The following SLC16A12 variants were observed in gnomAD, a reference collection of about 807,000 sequenced individuals.
SLC16A12 encodes the protein solute carrier family 16 member 12, also known as monocarboxylate transporter 12.
SLC16A12 carries 17 observed loss-of-function variants against 42.4 expected under a neutral mutation model. The ratio of observed to expected loss-of-function variants is 0.40; its 90% CI spans 0.27 to 0.60. SLC16A12 has a LOEUF of 0.60. Among genes scored for constraint, SLC16A12 ranks in the 20% least tolerant of loss-of-function variants. The probability of loss-of-function intolerance (pLI) is 0.42; values close to 1 mark genes in which losing one functional copy is unlikely to be tolerated. For synonymous variants in SLC16A12, 224 were observed against 229.4 expected (o/e 0.98, Z 0.21); for missense variants, 544 against 623.0 (o/e 0.87, Z 1.35).
chr10:89,518,786 A>G (rs12772414), intron 2 of SLC16A12, among the ~76,000 whole-genome samples: 68,204 of 151,872 alleles, frequency 0.45, 15,893 homozygotes, highest in South Asian at 0.67. Flanking sequence ...CCACCTACCC[A>G]ACAATCCTGG....
chr10:89,458,687 T>C (rs1200196673), intron 3 of SLC16A12, among the ~76,000 whole-genome samples: 1 of 152,230 alleles, frequency 6.6e-6, no homozygotes, highest in Non-Finnish European at 1.5e-5. Context: ...GAGCTTTACT[T>C]AATTACGATT....
chr10:89,441,387 AG>A (rs1388133534), intron 4 of SLC16A12, 136 bp from the exon 5 acceptor site: 7 of 1,059,774 alleles, frequency 6.6e-6, no homozygotes, highest in Non-Finnish European at 9.8e-6. Flanking sequence ...TTGGAAACTG[AG>A]GCCCAGAGAA....
At chr10:89,502,862 G>A (rs1843008155) in intron 2 of SLC16A12, among the ~76,000 whole-genome samples, 1 of 152,178 alleles carries the variant, frequency 6.6e-6, no homozygotes, top group Non-Finnish European at 1.5e-5. Flanking sequence ...TCTGTCCAAG[G>A]AAGCCAACAG....
intron 2 of SLC16A12, among the ~76,000 whole-genome samples, chr10:89,519,790 T>G (rs986261974): frequency 6.6e-6 from 1 of 152,124 alleles, no homozygotes; most frequent in Non-Finnish European, 1.5e-5. Context: ...TCAGATTTTT[T>G]GGAAATCTTT....
At chr10:89,537,429 C>A (rs570050850), upstream of SLC16A12, among the ~76,000 whole-genome samples, 9 of 152,104 alleles carry the variant, frequency 5.9e-5, no homozygotes, top group Admixed American at 5.2e-4. Context: ...AGTTTCCTGC[C>A]CTTTAACTAT....
intron 3 of SLC16A12, among the ~76,000 whole-genome samples, chr10:89,444,465 G>A (rs1257210531): frequency 6.6e-6 from 1 of 151,868 alleles, no homozygotes; most frequent in Non-Finnish European, 1.5e-5. Context: ...AATAAATTAT[G>A]GCATATCAAT....
chr10:89,530,413 G>GT (rs926486449), intron 2 of SLC16A12, among the ~76,000 whole-genome samples: 126 of 145,932 alleles, frequency 8.6e-4, no homozygotes, highest in South Asian at 1.1e-3. Flanking sequence ...AAATTTGGTG[G>GT]TTTTTTTTTT....
intron 2 of SLC16A12, among the ~76,000 whole-genome samples, chr10:89,508,234 A>G (rs889447225): frequency 6.6e-6 from 1 of 152,216 alleles, no homozygotes; most frequent in Non-Finnish European, 1.5e-5. Flanking sequence ...GACTTAATAG[A>G]CATCTACAGA....
chr10:89,539,861 C>G (rs1589737044), upstream of SLC16A12, among the ~76,000 whole-genome samples: 1 of 117,826 alleles, frequency 8.5e-6, no homozygotes, highest in African/African-American at 3.6e-5. Context: ...ACAAATTTTT[C>G]TTTCTTTCTT....
At chr10:89,436,868 AAAAGAAAGAAAGAAAGAAAG>A (rs370756736) in intron 6 of SLC16A12, among the ~76,000 whole-genome samples, 13 of 120,516 alleles carry the variant, frequency 1.1e-4, no homozygotes, top group East Asian at 2.4e-4. Context: ...GAAATAAAGA[AAAAGAAAGAAAGAAAGAAAG>A]AAAGAAAGAA....
chr10:89,497,957 G>A lies in SLC16A12; in HGVS notation c.-46-35333C>T, dbSNP rs60192255. ...AAGTAGGTATAATTATTTTATCTAC[G>A]TCTGTACTATTTGAAAACTTAACAA... On this transcript the variant is annotated intron_variant, in intron 2 of 7. Coordinates refer to ENST00000371790, the MANE Select transcript of SLC16A12 (RefSeq NM_213606.4). 8.5e-5 allele frequency among the ~76,000 whole-genome samples: 13 copies of A among 152,166 alleles called. No individual in the cohort carries two copies. The East Asian group carries it at 2.1e-3, about 25-fold the overall frequency.
intron 1 of SLC16A12, among the ~76,000 whole-genome samples, chr10:89,535,219 A>C (rs1843633979): frequency 1.3e-5 from 2 of 151,624 alleles, no homozygotes; most frequent in South Asian, 2.1e-4. Flanking sequence ...CTGCCCAAAA[A>C]CTCGGCCGCA....
chr10:89,543,556 C>T (rs1185230616), intron 2 of SLC16A12, among the ~76,000 whole-genome samples: 1 of 152,146 alleles, frequency 6.6e-6, no homozygotes, highest in East Asian at 1.9e-4. Flanking sequence ...TGGCTGGGTG[C>T]AGTGGCTCAT....
chr10:89,436,906 A>AAG (rs1491152573), intron 6 of SLC16A12, among the ~76,000 whole-genome samples: 17 of 149,906 alleles, frequency 1.1e-4, no homozygotes, highest in African/African-American at 4.0e-4. Flanking sequence ...GAAAGAAAGA[A>AAG]AGAAAGAAAA....
chr10:89,487,995 T>TATATAC (rs770274570), intron 2 of SLC16A12, among the ~76,000 whole-genome samples: 2,462 of 122,568 alleles, frequency 0.02, 46 homozygotes, highest in South Asian at 0.08. Context: ...TATATATATA[T>TATATAC]ACACACACAC....
intron 2 of SLC16A12, among the ~76,000 whole-genome samples, chr10:89,479,239 G>A (rs147610062): frequency 2.1e-4 from 32 of 151,976 alleles, no homozygotes; most frequent in Non-Finnish European, 4.4e-4. Context: ...ACTTTTCGCT[G>A]TAAGAGGGGT....
At chr10:89,540,463 C>G (rs890172984), upstream of SLC16A12, among the ~76,000 whole-genome samples, 15 of 152,080 alleles carry the variant, frequency 9.9e-5, no homozygotes, top group African/African-American at 3.4e-4. Flanking sequence ...TTTCTATGAG[C>G]ACTTTCTTAG....
intron 2 of SLC16A12, among the ~76,000 whole-genome samples, chr10:89,504,135 A>G (rs1446535872): frequency 1.3e-5 from 2 of 152,182 alleles, no homozygotes; most frequent in Non-Finnish European, 2.9e-5. Flanking sequence ...CCATATCTAC[A>G]CAAAATAGTT....
At chr10:89,464,970 C>T (rs1842368186) in intron 2 of SLC16A12, among the ~76,000 whole-genome samples, 1 of 152,058 alleles carries the variant, frequency 6.6e-6, no homozygotes, top group South Asian at 2.1e-4. Flanking sequence ...AATACTAAAC[C>T]TATTGATAAA....
Sources: allele counts gnomAD v4.1 joint callset (sites outside exome capture counted in the v4.1 genomes callset), GRCh38; gene constraint gnomAD v4.1.1; transcripts MANE v1.5; gene names NCBI Gene and HGNC (gene_info 2026-07-23, HGNC 2026-07-21).